IGF2BP3: variants seen among roughly 807,000 people sequenced by gnomAD.
IGF2BP3 encodes the protein insulin-like growth factor 2 mRNA-binding protein 3.
In IGF2BP3, 9 loss-of-function variants were observed where a neutral mutation model predicts 73.8. The observed-to-expected ratio is 0.12, with a 90% CI of 0.07 to 0.21. IGF2BP3 has a LOEUF of 0.21. Ranked by LOEUF, IGF2BP3 falls within the 10% of genes least tolerant of loss-of-function variation. IGF2BP3 has a pLI of 1.00. For missense variants in IGF2BP3, 542 were observed against 714.0 expected (o/e 0.76, Z 2.75); for synonymous variants, 258 against 256.7 (o/e 1.01, Z -0.05).
chr7:23,408,089 C>G (rs1786901900), intron 3 of IGF2BP3, among the ~76,000 whole-genome samples: 2 of 151,726 alleles, frequency 1.3e-5, no homozygotes, highest in South Asian at 4.1e-4. Flanking sequence ...AAACTAGAAA[C>G]AGAAGGCAAT....
At chr7:23,436,998 A>G (rs898133655) in intron 2 of IGF2BP3, among the ~76,000 whole-genome samples, 5 of 151,960 alleles carry the variant, frequency 3.3e-5, no homozygotes, top group Non-Finnish European at 7.4e-5. Context: ...GTGCGCCTGT[A>G]GTCCCAGCTA....
intron 3 of IGF2BP3, among the ~76,000 whole-genome samples, chr7:23,408,593 G>A (rs1176264639): frequency 1.3e-5 from 2 of 152,120 alleles, no homozygotes; most frequent in Non-Finnish European, 1.5e-5. Flanking sequence ...AAACAGTAAT[G>A]GCAATTCCTG....
At chr7:23,377,323 T>C (rs373302857) in intron 3 of IGF2BP3, among the ~76,000 whole-genome samples, 21 of 152,250 alleles carry the variant, frequency 1.4e-4, no homozygotes, top group African/African-American at 3.1e-4. Flanking sequence ...AGGAAGTGAA[T>C]AGACATTTCC....
intron 2 of IGF2BP3, among the ~76,000 whole-genome samples, chr7:23,448,396 C>G (rs1269076089): frequency 1.3e-5 from 2 of 152,054 alleles, no homozygotes; most frequent in African/African-American, 2.4e-5. Flanking sequence ...ACTGTTTATT[C>G]TAAACACTTA....
At chr7:23,400,893 G>C (rs768382943) in intron 3 of IGF2BP3, among the ~76,000 whole-genome samples, 1 of 152,204 alleles carries the variant, frequency 6.6e-6, no homozygotes, top group Non-Finnish European at 1.5e-5. Flanking sequence ...TCCACCTCCT[G>C]GGTTCAAGTA....
intron 2 of IGF2BP3, among the ~76,000 whole-genome samples, chr7:23,436,029 G>A (rs1323413860): frequency 6.6e-6 from 1 of 152,180 alleles, no homozygotes. Flanking sequence ...AGTACTGGGA[G>A]AACAGGCATG....
chr7:23,405,400 G>C (rs1413541036), intron 3 of IGF2BP3, among the ~76,000 whole-genome samples: 1 of 152,228 alleles, frequency 6.6e-6, no homozygotes, highest in East Asian at 1.9e-4. Flanking sequence ...TACAGAAACT[G>C]AAGTGATTTG....
At chr7:23,348,326 T>TA (rs1304853020) in intron 6 of IGF2BP3, among the ~76,000 whole-genome samples, 2 of 152,222 alleles carry the variant, frequency 1.3e-5, no homozygotes, top group African/African-American at 2.4e-5. Flanking sequence ...AAATGATGTT[T>TA]AATTTCACTA....
chr7:23,358,939 T>C (rs752647416), intron 5 of IGF2BP3, among the ~76,000 whole-genome samples: 5 of 152,244 alleles, frequency 3.3e-5, no homozygotes, highest in Admixed American at 1.3e-4. Flanking sequence ...AATATTCTTA[T>C]TGGCAACTTT....
rs1348477438 is a variant in IGF2BP3, at chr7:23,312,397, G to C, written c.1705C>G (p.Leu569Val). 6.2e-7 allele frequency: 1 copy of C among 1,613,382 alleles called. No homozygotes were observed. Among genetic ancestry groups the C allele is most frequent in the African/African-American group, 1.3e-5 (1 of 74,892 alleles). The change falls in exon 15 of 15, where the codon CTG becomes GTG. Residue 569 changes from leucine to valine, a missense_variant. Leu to Val is a conservative substitution (Grantham distance 32). Around this residue, in one of 2 missense-constraint regions of IGF2BP3, gnomAD observed 303 missense variants for 472.1 expected, o/e 0.64. Coordinates refer to ENST00000258729, the MANE Select transcript of IGF2BP3 (RefSeq NM_006547.3). ...QVKQHQQQKA[L>V]QSGPPQSRRK ...CTTGACTGAGGTGGTCCACTTTGCAGAGCCTTCTGTTGTTGGTGCTGCTTT... is the reference window on the plus strand; with the variant it reads ...CTTGACTGAGGTGGTCCACTTTGCACAGCCTTCTGTTGTTGGTGCTGCTTT...
intron 2 of IGF2BP3, among the ~76,000 whole-genome samples, chr7:23,434,342 T>A (rs997461755): frequency 6.6e-6 from 1 of 152,170 alleles, no homozygotes; most frequent in African/African-American, 2.4e-5. Flanking sequence ...CAGTTGATCA[T>A]TATCAAATTA....
intron 8 of IGF2BP3, among the ~76,000 whole-genome samples, chr7:23,344,138 C>A (rs547562949): frequency 6.6e-6 from 1 of 152,120 alleles, no homozygotes; most frequent in African/African-American, 2.4e-5. Context: ...ACTTCTCAAC[C>A]GCTTAAAGTT....
chr7:23,467,553 A>C (rs1470030607), intron 2 of IGF2BP3, among the ~76,000 whole-genome samples: 1 of 152,228 alleles, frequency 6.6e-6, no homozygotes, highest in Non-Finnish European at 1.5e-5. Context: ...AATTGCAGTT[A>C]GAGCCGGAAT....
chr7:23,444,586 T>C (rs1192467192), intron 2 of IGF2BP3, among the ~76,000 whole-genome samples: 2 of 151,520 alleles, frequency 1.3e-5, no homozygotes, highest in South Asian at 4.2e-4. Flanking sequence ...TACTAAAAAA[T>C]ACGAAAATTA....
chr7:23,328,005 T>G (rs1421333487), intron 10 of IGF2BP3, among the ~76,000 whole-genome samples: 1 of 152,156 alleles, frequency 6.6e-6, no homozygotes, highest in Non-Finnish European at 1.5e-5. Context: ...TCACCCTGTT[T>G]GGTAGGAATT....
rs146619370 is a variant in IGF2BP3 at position 23,444,008 on chromosome 7, C to A, written c.236+24474G>T. 6.0e-3 allele frequency among the ~76,000 whole-genome samples: 920 copies of A among 152,076 alleles called. 13 individuals carry two copies. The highest frequency in any genetic ancestry group is 0.021 in the African/African-American group (879 of 41,482). The stretch of plus-strand genomic sequence containing the variant: ...TGGGAAACAGAGGGAGACTTCGTCT[C>A]AAAAAACAAAATACAAAACAAAAAA... On this transcript the variant is annotated intron_variant, in intron 2 of 14. Transcript: ENST00000258729.
intron 3 of IGF2BP3, among the ~76,000 whole-genome samples, chr7:23,373,119 C>A (rs1397149986): frequency 6.6e-6 from 1 of 152,188 alleles, no homozygotes; most frequent in Non-Finnish European, 1.5e-5. Context: ...TGTCCATAGG[C>A]AGGTTAAGAG....
chr7:23,404,123 C>G (rs1562730719), intron 3 of IGF2BP3, among the ~76,000 whole-genome samples: 2 of 149,296 alleles, frequency 1.3e-5, no homozygotes, highest in Non-Finnish European at 3.0e-5. Flanking sequence ...GCCTGGGTGA[C>G]AGAGTCTTGA....
intron 10 of IGF2BP3, among the ~76,000 whole-genome samples, chr7:23,322,055 C>A (rs140331872): frequency 6.6e-6 from 1 of 152,222 alleles, no homozygotes; most frequent in African/African-American, 2.4e-5. Context: ...TCACCAGCAA[C>A]AGAGCAAAGC....
Sources: gnomAD v4.1 joint callset for allele counts (sites outside exome capture counted in the v4.1 genomes callset) on GRCh38, gnomAD v4.1.1 for gene constraint, gnomAD v4.1.1 regional missense constraint, MANE v1.5 for transcripts, NCBI Gene and HGNC (gene_info 2026-07-23, HGNC 2026-07-21) for gene names.